Variants in PATJ observed in about 807,000 individuals in gnomAD.
PATJ encodes the protein PATJ crumbs cell polarity complex component.
PATJ carries 190 observed loss-of-function variants against 224.9 expected under a neutral mutation model. The observed-to-expected ratio is 0.84, with a 90% CI of 0.75 to 0.95. The LOEUF is 0.95. Among genes scored for constraint, PATJ ranks in the 40% least tolerant of loss-of-function variants. The pLI is 0.00. For synonymous variants in PATJ, 769 were observed against 820.3 expected (o/e 0.94, Z 1.07); for missense variants, 2,121 against 2,270.3 (o/e 0.93, Z 1.34).
intron 22 of PATJ, among the ~76,000 whole-genome samples, chr1:61,891,671 T>C (rs1669626981): frequency 6.6e-6 from 1 of 152,162 alleles, no homozygotes; most frequent in Non-Finnish European, 1.5e-5. Flanking sequence ...TAATTCAGGC[T>C]CTACAGAAGG....
intron 33 of PATJ, among the ~76,000 whole-genome samples, chr1:62,094,772 T>A (rs1661200789): frequency 6.6e-6 from 1 of 152,220 alleles, no homozygotes; most frequent in South Asian, 2.1e-4. Flanking sequence ...CTGAACATTA[T>A]GATCCATTTT....
At chr1:61,861,786 A>C in intron 19 of PATJ, 119 bp downstream of exon 19, 1 of 532,224 alleles carries the variant, frequency 1.9e-6, no homozygotes, top group Non-Finnish European at 3.4e-6. Context: ...AAGTAGAAAT[A>C]AATAAAGACA....
intron 33 of PATJ, among the ~76,000 whole-genome samples, chr1:62,099,347 CTTTTTTTTTTT>C (rs71050197): frequency 3.6e-5 from 2 of 55,666 alleles, no homozygotes; most frequent in African/African-American, 7.8e-5. Flanking sequence ...ATATCTCCAA[CTTTTTTTTTTT>C]TTTTTTTTTT....
At chr1:61,751,270 G>C (rs1287938353) in intron 1 of PATJ, among the ~76,000 whole-genome samples, 1 of 152,094 alleles carries the variant, frequency 6.6e-6, no homozygotes, top group Admixed American at 6.5e-5. Flanking sequence ...CAAAGTGCTG[G>C]GAGTACAGGC....
At position 62,082,314 on chromosome 1, in the gene PATJ, G is replaced by A. The variant is rs151289531; in HGVS notation, c.4244-2201G>A. Among the ~76,000 whole-genome samples, 308 of 152,296 alleles carry A rather than the reference G, an allele frequency of 2.0e-3. 1 individual carries two copies. Among genetic ancestry groups the A allele is most frequent in the Non-Finnish European group, 2.4e-3 (162 of 68,028 alleles). On this transcript the variant is annotated intron_variant, in intron 32 of 43. Transcript: ENST00000642238. ...CCCACAATGTGCCAGACTCTGGGCC[G>A]GGCACCTCACACACACTGTTCATTT...
At chr1:61,800,455 G>A (rs1652240485) in intron 11 of PATJ, among the ~76,000 whole-genome samples, 1 of 152,184 alleles carries the variant, frequency 6.6e-6, no homozygotes, top group South Asian at 2.1e-4. Flanking sequence ...AGTTGTGTGA[G>A]TTCCTTCTGG....
At chr1:62,152,668 TAAAAG>T (rs1668744579) in intron 42 of PATJ, among the ~76,000 whole-genome samples, 3 of 147,902 alleles carry the variant, frequency 2.0e-5, no homozygotes. Flanking sequence ...AAAAAAAAGG[TAAAAG>T]AAAAGGAGCA....
intron 11 of PATJ, 100 bp from the exon 12 acceptor site, chr1:61,801,523 G>A: frequency 1.7e-6 from 1 of 590,720 alleles, no homozygotes; most frequent in Non-Finnish European, 2.7e-6. Flanking sequence ...AGAAATGGGA[G>A]AACAGCAGTA....
intron 27 of PATJ, among the ~76,000 whole-genome samples, chr1:61,971,631 G>T (rs991853479): frequency 5.3e-5 from 8 of 151,636 alleles, no homozygotes; most frequent in Non-Finnish European, 1.2e-4. Flanking sequence ...AAAGAAAAAA[G>T]AAAAAACAGC....
chr1:61,902,775 G>A (rs1245395297), intron 24 of PATJ, among the ~76,000 whole-genome samples: 6 of 152,140 alleles, frequency 3.9e-5, no homozygotes, highest in Non-Finnish European at 7.4e-5. Flanking sequence ...TAAGTAGCTA[G>A]GGAACAAAAT....
intron 26 of PATJ, among the ~76,000 whole-genome samples, chr1:61,926,728 A>G (rs1468409511): frequency 6.6e-6 from 1 of 152,194 alleles, no homozygotes; most frequent in Non-Finnish European, 1.5e-5. Flanking sequence ...ACATTATCTT[A>G]AGTAAATATG....
intron 33 of PATJ, among the ~76,000 whole-genome samples, chr1:62,092,622 G>T (rs1660899622): frequency 6.6e-6 from 1 of 151,402 alleles, no homozygotes; most frequent in Non-Finnish European, 1.5e-5. Flanking sequence ...CGCCATGTTG[G>T]CCAGGCTGGT....
intron 13 of PATJ, 32 bp downstream of exon 13, chr1:61,805,556 A>C: frequency 1.6e-6 from 2 of 1,272,182 alleles, no homozygotes; most frequent in South Asian, 1.2e-5. Context: ...AAAAACATTC[A>C]TGTCTCATTT....
chr1:61,756,528 C>A (rs114445137), intron 1 of PATJ, among the ~76,000 whole-genome samples: 2,341 of 148,108 alleles, frequency 0.016, 68 homozygotes, highest in African/African-American at 0.056. Flanking sequence ...AACCACTAAC[C>A]TAGGGTAGCC....
At chr1:62,050,252 A>G (rs569847614) in intron 30 of PATJ, among the ~76,000 whole-genome samples, 39 of 152,332 alleles carry the variant, frequency 2.6e-4, no homozygotes, top group African/African-American at 8.2e-4. Flanking sequence ...TATACAAAAA[A>G]CAGTCAACTG....
intron 17 of PATJ, among the ~76,000 whole-genome samples, chr1:61,841,298 G>A (rs1216441598): frequency 6.6e-6 from 1 of 152,088 alleles, no homozygotes; most frequent in South Asian, 2.1e-4. Flanking sequence ...GAGAATTTGA[G>A]TAAATGCTAA....
intron 14 of PATJ, among the ~76,000 whole-genome samples, chr1:61,819,151 G>T (rs1355382371): frequency 6.6e-6 from 1 of 152,076 alleles, no homozygotes; most frequent in East Asian, 1.9e-4. Context: ...CTCACCTTAA[G>T]TGTCCCCTTC....
chr1:62,025,562 T>G (rs1169900634), intron 29 of PATJ, among the ~76,000 whole-genome samples: 2 of 152,228 alleles, frequency 1.3e-5, no homozygotes, highest in African/African-American at 4.8e-5. Flanking sequence ...GGCTCATGCC[T>G]GTAATCCCAG....
intron 27 of PATJ, chr1:61,952,135 G>C: frequency 2.2e-6 from 1 of 445,530 alleles, no homozygotes; most frequent in Admixed American, 3.6e-5. Flanking sequence ...TTTCCAGGCA[G>C]CTTTCACCTG....
Sources: gnomAD v4.1 joint callset for allele counts (sites outside exome capture counted in the v4.1 genomes callset) on GRCh38, gnomAD v4.1.1 for gene constraint, MANE v1.5 for transcripts, NCBI Gene and HGNC (gene_info 2026-07-23, HGNC 2026-07-21) for gene names.